NPR1: variants seen among roughly 807,000 people sequenced by gnomAD.
The protein encoded by NPR1 is natriuretic peptide receptor 1.
In NPR1, 57 loss-of-function variants were observed where a neutral mutation model predicts 116.9. That is an observed-to-expected ratio of 0.49 (90% CI 0.39 to 0.61). The LOEUF (loss-of-function observed/expected upper bound fraction) is 0.61, where lower values mean the gene tolerates loss of function less well. NPR1 is among the 20% of genes least tolerant of loss of function. The pLI is 0.00. For missense variants in NPR1, 1,096 were observed against 1,409.8 expected (o/e 0.78, Z 3.56); for synonymous variants, 555 against 601.6 (o/e 0.92, Z 1.13).
chr1:153,681,151 TCTCTG>T, intron 2 of NPR1, 24 bp from the exon 3 acceptor site: 1 of 1,389,824 alleles, frequency 7.2e-7, no homozygotes, highest in Admixed American at 1.7e-5. Flanking sequence ...AGCTCCCAAC[TCTCTG>T]CTCTCCACTG....
chr1:153,690,170 G>C lies in NPR1; in HGVS notation c.2933-114G>C, dbSNP rs527747323. ...ACACACACACACACACACACACAGAGCTGGGACCTCAGATCCTGCCTCCTG... is the reference window on the plus strand; with the variant it reads ...ACACACACACACACACACACACAGACCTGGGACCTCAGATCCTGCCTCCTG... On this transcript the variant is annotated intron_variant, in intron 19 of 21. Transcript: ENST00000368680. 3.8e-5 allele frequency: 30 copies of C among 779,388 alleles called. No individual in the cohort carries two copies. In the East Asian group the frequency reaches 8.2e-4, roughly 21 times the overall value. The allele number at this position is 779,388 out of a possible 1,614,324, so 48.3% of individuals were successfully genotyped here.
chr1:153,684,976 G>A lies in NPR1; in HGVS notation c.1497G>A (p.Leu499=), dbSNP rs762587082. The change falls in exon 8 of 22, where the codon CTG becomes CTA. Residue 499 remains leucine (L), a synonymous_variant. Coordinates refer to ENST00000368680, the MANE Select transcript of NPR1 (RefSeq NM_000906.4). Reference sequence around the variant, plus strand: ...CTTCGTATCCCAGGAAGATGCAGCTGGAGAAGGAACTGGCCTCGGAGCTGT... The same window carrying A: ...CTTCGTATCCCAGGAAGATGCAGCTAGAGAAGGAACTGGCCTCGGAGCTGT... The part of the protein sequence containing the change: ...VSFFIYRKMQ[L]EKELASELWR... 2.5e-6 allele frequency: 4 copies of A among 1,614,102 alleles called. No individual in the cohort carries two copies. The highest frequency in any genetic ancestry group is 1.3e-5 in the African/African-American group (1 of 75,042).
chr1:153,687,498 G>C, intron 13 of NPR1, 136 bp from the exon 14 acceptor site: 1 of 1,473,232 alleles, frequency 6.8e-7, no homozygotes, highest in Middle Eastern at 2.5e-4. Context: ...AAGGCCAGAC[G>C]AAGTGGTTTC....
chr1:153,684,922 AGC>A (rs1251934768), intron 7 of NPR1, 40 bp from the exon 8 acceptor site: 1 of 1,610,644 alleles, frequency 6.2e-7, no homozygotes. Context: ...GCCCTGGGTC[AGC>A]GGCTCAGCCA....
At position 153,689,659 on chromosome 1, in the gene NPR1, C is replaced by T. The variant is rs748215900; in HGVS notation, c.2757+138C>T. On this transcript the variant is annotated intron_variant, in intron 18 of 21. Coordinates refer to ENST00000368680, the MANE Select transcript of NPR1 (RefSeq NM_000906.4). This position sits in a 1 kb window ranked among gnomAD's most constrained non-coding sequence, Gnocchi z 5.1. ...GCAGAGACAGTGACACAGGGAGACCCGGGAACAGGCAGAGAACCCATGTGG... is the reference window on the plus strand; with the variant it reads ...GCAGAGACAGTGACACAGGGAGACCTGGGAACAGGCAGAGAACCCATGTGG... The T allele has an allele frequency of 2.2e-5, 27 of 1,207,232 alleles. No homozygotes were observed. Among genetic ancestry groups the T allele is most frequent in the African/African-American group, 1.3e-4 (9 of 67,278 alleles). 74.8% of individuals were successfully genotyped at this position (1,207,232 alleles called of 1,614,324 possible). A position where few individuals can be genotyped will look rare whatever the true frequency, so the allele number is the denominator to read the frequency against.
intron 5 of NPR1, 91 bp from the exon 6 acceptor site, chr1:153,683,285 G>C: frequency 6.9e-7 from 1 of 1,449,010 alleles, no homozygotes; most frequent in South Asian, 1.3e-5. Flanking sequence ...TCTAGAAGCA[G>C]AGCTGGGGTA....
rs780747717 is a variant in NPR1 at position 153,689,414 on chromosome 1, C to T, written c.2689-39C>T. 105 of 1,612,400 alleles carry T rather than the reference C, an allele frequency of 6.5e-5. No individual in the cohort carries two copies. Among genetic ancestry groups the T allele is most frequent in the Admixed American group, 2.7e-4 (16 of 59,996 alleles). ...TACCCACCTGACCCCAGGTGGGGTC[C>T]CCTACTTCCTGTCTCTCTTAGCTTC... On this transcript the variant is annotated intron_variant, in intron 17 of 21. Coordinates refer to ENST00000368680, the MANE Select transcript of NPR1 (RefSeq NM_000906.4). The surrounding 1 kb of genome is among the most constrained non-coding windows in gnomAD (Gnocchi z 5.1).
Position 153,679,471 on chromosome 1 carries a change from C to A in NPR1, c.363C>A (p.Ala121=). Reference sequence around the variant, plus strand: ...TCCTGGGCCCCGGCTGCGTGTACGCCGCCGCCCCAGTGGGGCGCTTCACCG... The same window carrying A: ...TCCTGGGCCCCGGCTGCGTGTACGCAGCCGCCCCAGTGGGGCGCTTCACCG... The part of the protein sequence containing the change: ...AVFLGPGCVY[A]AAPVGRFTAH... The change falls in exon 1 of 22, where the codon GCC becomes GCA. Residue 121 remains alanine, a synonymous_variant. Transcript: ENST00000368680. This position sits in a 1 kb window ranked among gnomAD's most constrained non-coding sequence, Gnocchi z 4.2. 1 of 1,540,946 alleles carries A rather than the reference C, an allele frequency of 6.5e-7. No individual in the cohort carries two copies.
intron 4 of NPR1, 120 bp from the exon 5 acceptor site, chr1:153,682,378 A>T: frequency 2.8e-6 from 2 of 722,924 alleles, no homozygotes; most frequent in Non-Finnish European, 4.9e-6. Context: ...ATTTACTATC[A>T]TTCTGTATAC....
intron 14 of NPR1, 58 bp downstream of exon 14, chr1:153,687,847 G>A: frequency 6.6e-7 from 1 of 1,518,016 alleles, no homozygotes; most frequent in African/African-American, 1.4e-5. Context: ...CCCAGCCCCA[G>A]GGAGAGGGTC....
At chr1:153,687,592 TTGG>T (rs764523275) in intron 13 of NPR1, 39 bp from the exon 14 acceptor site, 1 of 1,544,798 alleles carries the variant, frequency 6.5e-7, no homozygotes, top group African/African-American at 1.4e-5. Flanking sequence ...CCCCTTAGCT[TTGG>T]GCTCCCTCAC....
chr1:153,688,135 G>T lies in NPR1; in HGVS notation c.2331G>T (p.Gly777=), dbSNP rs756383201. The T allele has an allele frequency of 1.2e-6, 2 of 1,613,870 alleles. No individual in the cohort carries two copies. Among genetic ancestry groups the T allele is most frequent in the Non-Finnish European group, 1.7e-6 (2 of 1,179,862 alleles). The change falls in exon 15 of 22, where the codon GGG becomes GGT. Residue 777 remains glycine (G), a synonymous_variant. Coordinates refer to ENST00000368680, the MANE Select transcript of NPR1 (RefSeq NM_000906.4). ...LALQSHLEEL[G]LLMQRCWAED... The stretch of plus-strand genomic sequence containing the variant: ...TGCAGAGTCACCTGGAGGAGTTGGG[G>T]CTGCTCATGCAGCGGTGCTGGGCTG...
chr1:153,690,086 C>T, intron 19 of NPR1, 106 bp downstream of exon 19: 2 of 644,540 alleles, frequency 3.1e-6, no homozygotes, highest in Non-Finnish European at 4.9e-6. Context: ...CTCTCTCTCT[C>T]TCTCTCTCTC....
In NPR1 at chr1:153,681,660, C is replaced by A. The variant is rs200561685; in HGVS notation, c.1036-44C>A. 5.8e-5 allele frequency: 93 copies of A among 1,601,218 alleles called. No homozygotes were observed. In the Admixed American group the frequency reaches 1.5e-3, roughly 26 times the overall value. On this transcript the variant is annotated intron_variant, in intron 3 of 21. Transcript: ENST00000368680. Reference sequence around the variant, plus strand: ...CTTCCCCACAGCTCCCACCTCCATGCCCTTCATATGCCCACCCCAGCCGAC... The same window carrying A: ...CTTCCCCACAGCTCCCACCTCCATGACCTTCATATGCCCACCCCAGCCGAC...
At chr1:153,684,121 G>C (rs1181817918) in intron 7 of NPR1, among the ~76,000 whole-genome samples, 1 of 152,122 alleles carries the variant, frequency 6.6e-6, no homozygotes, top group African/African-American at 2.4e-5. Flanking sequence ...TGCTACTCTT[G>C]CAGGCCAGAT....
chr1:153,681,576 G>C, intron 3 of NPR1, 128 bp from the exon 4 acceptor site: 1 of 966,078 alleles, frequency 1.0e-6, no homozygotes, highest in Admixed American at 2.5e-5. Context: ...AAATCTCCCT[G>C]TGATATAGGG....
intron 4 of NPR1, 44 bp from the exon 5 acceptor site, chr1:153,682,454 A>G (rs972686139): frequency 2.7e-6 from 4 of 1,456,648 alleles, no homozygotes; most frequent in Admixed American, 3.4e-5. Context: ...GCACCCCTGA[A>G]CTTCTATTCT....
At chr1:153,683,613 G>A in intron 6 of NPR1, 102 bp downstream of exon 6, 3 of 1,559,528 alleles carry the variant, frequency 1.9e-6, no homozygotes, top group South Asian at 1.1e-5. Context: ...GGGCTTTCTG[G>A]AGAATGACTC....
At position 153,683,749 on chromosome 1, in the gene NPR1, C is replaced by T; in HGVS notation, c.1409C>T (p.Ser470Phe). The change falls in exon 7 of 22, where the codon TCC (serine) becomes TTC (phenylalanine). Residue 470 changes from serine to phenylalanine, a missense_variant. Ser to Phe is a radical substitution (Grantham distance 155, BLOSUM62 -2). Transcript: ENST00000368680. ...GGACTCTCTCCTGCAGATCACCTTT[C>T]CACCCTGGAGGTGCTGGCTTTGGTG... ...EDPACNQDHL[S>F]TLEVLALVGS... 6.2e-7 allele frequency: 1 copy of T among 1,614,164 alleles called. No individual in the cohort carries two copies. The highest frequency in any genetic ancestry group is 8.5e-7 in the Non-Finnish European group (1 of 1,179,996).
Sources: allele counts gnomAD v4.1 joint callset (sites outside exome capture counted in the v4.1 genomes callset), GRCh38; gene constraint gnomAD v4.1.1; non-coding constraint Gnocchi (gnomAD v3.1); transcripts MANE v1.5; gene names NCBI Gene and HGNC (gene_info 2026-07-23, HGNC 2026-07-21).